CDH18: variants seen among roughly 807,000 people sequenced by gnomAD.
CDH18 encodes the protein cadherin-18.
A neutral mutation model predicts 67.9 loss-of-function variants in CDH18; 31 were observed. That is an observed-to-expected ratio of 0.46 (90% confidence interval 0.34 to 0.62). The LOEUF (loss-of-function observed/expected upper bound fraction) is 0.62, where lower values mean the gene tolerates loss of function less well. Ranked by LOEUF, CDH18 falls within the 20% of genes least tolerant of loss-of-function variation. The probability of loss-of-function intolerance (pLI) is 0.01; values close to 1 mark genes in which losing one functional copy is unlikely to be tolerated. For synonymous variants in CDH18, 362 were observed against 347.2 expected, an observed-to-expected ratio of 1.04 and a Z score of -0.48; for missense variants, 890 against 975.5, an observed-to-expected ratio of 0.91 and a Z score of 1.17.
chr5:20,392,391 T>C (rs966592541), intron 1 of CDH18, among the ~76,000 whole-genome samples: 2 of 151,934 alleles, frequency 1.3e-5, no homozygotes, highest in Admixed American at 6.6e-5. Flanking sequence ...TGATTTCAGA[T>C]AGATTATCTT....
At chr5:19,486,149 C>G (rs1008506529) in intron 11 of CDH18, among the ~76,000 whole-genome samples, 1 of 151,790 alleles carries the variant, frequency 6.6e-6, no homozygotes, top group African/African-American at 2.4e-5. Context: ...CTTAGCACAG[C>G]AGAATAATGA....
At chr5:20,349,371 G>T (rs957168604) in intron 1 of CDH18, among the ~76,000 whole-genome samples, 9 of 152,092 alleles carry the variant, frequency 5.9e-5, no homozygotes, top group Non-Finnish European at 1.2e-4. Context: ...TAAAAATGCA[G>T]AATTCATTGA....
chr5:20,369,795 AAGAT>A (rs1742828430), intron 1 of CDH18, among the ~76,000 whole-genome samples: 4 of 152,364 alleles, frequency 2.6e-5, no homozygotes, highest in Admixed American at 2.6e-4. Context: ...TGTTAGAATC[AAGAT>A]AAATAAGCAC....
intron 1 of CDH18, among the ~76,000 whole-genome samples, chr5:20,391,316 A>C (rs941556781): frequency 6.6e-6 from 1 of 151,986 alleles, no homozygotes; most frequent in Non-Finnish European, 1.5e-5. Context: ...AGGGTCATAA[A>C]TCCTGCATCA....
intron 7 of CDH18, among the ~76,000 whole-genome samples, chr5:19,582,351 G>A (rs62349554): frequency 0.065 from 9,837 of 151,874 alleles, 346 homozygotes; most frequent in Non-Finnish European, 0.074. Context: ...TCCAAATACT[G>A]CATAAACTGT....
chr5:20,173,038 T>C (rs1194085394), intron 2 of CDH18, among the ~76,000 whole-genome samples: 1 of 151,034 alleles, frequency 6.6e-6, no homozygotes, highest in East Asian at 1.9e-4. Context: ...CATTGTCTAA[T>C]AAAAGTACTA....
chr5:20,093,210 CACACATACACACACACATAA>C (rs1745593190), intron 2 of CDH18, among the ~76,000 whole-genome samples: 1 of 151,974 alleles, frequency 6.6e-6, no homozygotes, highest in African/African-American at 2.4e-5. Flanking sequence ...ATCTCACTCA[CACACATACACACACACATAA>C]ACACATACAC....
intron 1 of CDH18, among the ~76,000 whole-genome samples, chr5:20,313,327 A>G (rs1468839818): frequency 1.3e-5 from 2 of 152,100 alleles, no homozygotes; most frequent in Non-Finnish European, 2.9e-5. Context: ...CCCTTCTTCT[A>G]TAACACTAGT....
intron 3 of CDH18, among the ~76,000 whole-genome samples, chr5:19,751,645 T>G (rs1022931415): frequency 6.6e-6 from 1 of 152,194 alleles, no homozygotes; most frequent in Non-Finnish European, 1.5e-5. Context: ...AATAAGTAAC[T>G]GATGTGAAAT....
rs1290251212 is a variant in CDH18 at position 20,138,838 on chromosome 5, T to G, written c.-518+116606A>C. On this transcript the variant is annotated intron_variant, in intron 2 of 14. Coordinates refer to the CDH18 transcript ENST00000507958. Reference sequence around the variant, plus strand: ...GAGGACACAAGCAAATGGAAGAACATTCCATGCTCATGGACAGGAAGAATC... The same window carrying G: ...GAGGACACAAGCAAATGGAAGAACAGTCCATGCTCATGGACAGGAAGAATC... Among the ~76,000 whole-genome samples the G allele has an allele frequency of 2.0e-5, 3 of 152,106 alleles. 1 individual carries two copies. In the South Asian group the frequency reaches 6.2e-4, roughly 32 times the overall value.
chr5:19,709,420 A>T (rs1764411251), intron 5 of CDH18, among the ~76,000 whole-genome samples: 1 of 152,118 alleles, frequency 6.6e-6, no homozygotes, highest in Admixed American at 6.6e-5. Context: ...TACAAAAATT[A>T]GCTGTGTTCA....
At chr5:20,538,595 G>A (rs946913198) in intron 1 of CDH18, among the ~76,000 whole-genome samples, 13 of 152,074 alleles carry the variant, frequency 8.5e-5, no homozygotes, top group Non-Finnish European at 1.5e-4. Flanking sequence ...ATAGTCGCCA[G>A]GGCATGCAAC....
At chr5:19,516,422 T>G (rs1019701761) in intron 10 of CDH18, among the ~76,000 whole-genome samples, 1 of 152,214 alleles carries the variant, frequency 6.6e-6, no homozygotes, top group Admixed American at 6.5e-5. Flanking sequence ...TCAGAAGGAA[T>G]GGTACCAGCT....
chr5:19,891,602 C>G (rs1430535428), intron 2 of CDH18, among the ~76,000 whole-genome samples: 1 of 152,030 alleles, frequency 6.6e-6, no homozygotes, highest in African/African-American at 2.4e-5. Context: ...TAATGAATTC[C>G]CTGTTATAAG....
At chr5:19,751,472 G>A (rs115580283) in intron 3 of CDH18, among the ~76,000 whole-genome samples, 1 of 152,158 alleles carries the variant, frequency 6.6e-6, no homozygotes, top group Admixed American at 6.5e-5. Context: ...CACTATGATT[G>A]ATCATTATCT....
At chr5:19,658,870 T>C (rs1443328908) in intron 5 of CDH18, among the ~76,000 whole-genome samples, 2 of 152,040 alleles carry the variant, frequency 1.3e-5, no homozygotes. Context: ...TTCTCATTTA[T>C]TCACAAGAGC....
At chr5:20,190,287 G>C (rs191696630) in intron 2 of CDH18, among the ~76,000 whole-genome samples, 1 of 152,128 alleles carries the variant, frequency 6.6e-6, no homozygotes, top group Non-Finnish European at 1.5e-5. Flanking sequence ...TCCTTGGAGT[G>C]AAAGCTGTTT....
chr5:20,209,652 AT>A (rs1458839696), intron 2 of CDH18, among the ~76,000 whole-genome samples: 1 of 152,054 alleles, frequency 6.6e-6, no homozygotes, highest in Non-Finnish European at 1.5e-5. Context: ...ATATAATTAG[AT>A]AAAAGAAATA....
intron 1 of CDH18, among the ~76,000 whole-genome samples, chr5:20,423,946 C>CAAAAAAAAAAAAAAAAAAAA (rs553723574): frequency 3.1e-5 from 2 of 63,858 alleles, no homozygotes; most frequent in African/African-American, 1.8e-4. Flanking sequence ...GACTCCGTCT[C>CAAAAAAAAAAAAAAAAAAAA]AAAAAAAAAA....
Sources: gnomAD v4.1 joint callset for allele counts (sites outside exome capture counted in the v4.1 genomes callset) on GRCh38, gnomAD v4.1.1 for gene constraint, MANE v1.5 for transcripts, NCBI Gene and HGNC (gene_info 2026-07-23, HGNC 2026-07-21) for gene names.